The following ERMP1 variants were observed in gnomAD, a reference collection of about 807,000 sequenced individuals.
ERMP1 encodes the protein Felix-ina.
Under a neutral mutation model 92.0 loss-of-function variants are expected in ERMP1, and 86 were observed. The ratio of observed to expected loss-of-function variants is 0.93; its 90% CI spans 0.79 to 1.12. ERMP1 has a LOEUF of 1.12. Among genes scored for constraint, ERMP1 ranks in the 50% most tolerant of loss-of-function variants. The pLI, the probability that ERMP1 is intolerant of heterozygous loss-of-function variation, is 0.00. For missense variants in ERMP1, 1,342 were observed against 1,116.3 expected, an observed-to-expected ratio of 1.20 and a Z score of -2.88; for synonymous variants, 530 against 412.8, an observed-to-expected ratio of 1.28 and a Z score of -3.44.
chr9:5,843,677 G>T (rs1054279190), intron 6 of ERMP1, among the ~76,000 whole-genome samples: 7 of 152,330 alleles, frequency 4.6e-5, no homozygotes, highest in Non-Finnish European at 1.0e-4. Context: ...TATTTTGCAG[G>T]AACAGTGAAT....
intron 12 of ERMP1, among the ~76,000 whole-genome samples, chr9:5,798,249 T>C (rs1369663627): frequency 6.6e-6 from 1 of 151,974 alleles, no homozygotes; most frequent in Non-Finnish European, 1.5e-5. Context: ...AGAGTTTTGC[T>C]GTTGTTGCCC....
intron 7 of ERMP1, among the ~76,000 whole-genome samples, chr9:5,810,543 T>C (rs1049653085): frequency 7.2e-5 from 11 of 152,228 alleles, no homozygotes; most frequent in African/African-American, 9.6e-5. Context: ...TTTGGTATGC[T>C]TTGTGTATCA....
upstream of ERMP1, among the ~76,000 whole-genome samples, chr9:5,833,500 C>T (rs556322067): frequency 7.9e-5 from 12 of 152,256 alleles, no homozygotes; most frequent in South Asian, 1.5e-3. Context: ...AGAGGAGGCC[C>T]GGCCTATTGC....
At chr9:5,853,520 T>C (rs1395197804) in intron 6 of ERMP1, among the ~76,000 whole-genome samples, 3 of 151,980 alleles carry the variant, frequency 2.0e-5, no homozygotes, top group Non-Finnish European at 2.9e-5. Context: ...GCCACCTAGA[T>C]AAAGTTCAAA....
chr9:5,850,469 T>C (rs1830296265), intron 6 of ERMP1, among the ~76,000 whole-genome samples: 1 of 148,020 alleles, frequency 6.8e-6, no homozygotes, highest in Non-Finnish European at 1.5e-5. Context: ...TCCCTGGCCT[T>C]CTGGGGTGGT....
intron 5 of ERMP1, among the ~76,000 whole-genome samples, chr9:5,865,758 A>C (rs1347078441): frequency 4.7e-5 from 7 of 149,578 alleles, no homozygotes; most frequent in African/African-American, 1.2e-4. Flanking sequence ...GAATCGCTGG[A>C]AACTGGGAGG....
rs1161188137 is a variant in ERMP1 at position 5,785,830 on chromosome 9, A to G, written c.*1314T>C. 6.6e-6 allele frequency: 1 copy of G among 152,166 alleles called. No individual in the cohort carries two copies. The highest frequency in any genetic ancestry group is 1.5e-5 in the Non-Finnish European group (1 of 68,038). The allele number at this position is 152,166 out of a possible 1,614,324, so 9.4% of individuals were successfully genotyped here. On this transcript the variant is annotated 3_prime_UTR_variant, in exon 15 of 15. Coordinates refer to ENST00000339450, the MANE Select transcript of ERMP1 (RefSeq NM_024896.3). ...AACTTTTTGTCCTTGTTAAAACTCA[A>G]AATTTGTCCAACGTTTCACATTTCC...
At chr9:5,803,712 A>C (rs753352993) in intron 10 of ERMP1, among the ~76,000 whole-genome samples, 1 of 152,186 alleles carries the variant, frequency 6.6e-6, no homozygotes, top group Admixed American at 6.5e-5. Context: ...TCAAAAATAC[A>C]GATGATATAA....
At chr9:5,865,057 C>G (rs7044790) in intron 5 of ERMP1, among the ~76,000 whole-genome samples, 4 of 151,872 alleles carry the variant, frequency 2.6e-5, no homozygotes, top group African/African-American at 7.3e-5. Context: ...TTTAGAAATG[C>G]GGTAGTAAAT....
intron 12 of ERMP1, among the ~76,000 whole-genome samples, chr9:5,798,446 C>T (rs1187414943): frequency 6.6e-6 from 1 of 151,974 alleles, no homozygotes; most frequent in Admixed American, 6.6e-5. Context: ...GAACTCCCGA[C>T]CTCAGGTGAT....
intron 11 of ERMP1, 137 bp downstream of exon 11, chr9:5,801,039 C>T: frequency 1.3e-6 from 1 of 762,344 alleles, no homozygotes; most frequent in Non-Finnish European, 2.1e-6. Flanking sequence ...TCCTCACTGC[C>T]TTACACACAA....
At chr9:5,854,914 A>G (rs1830354960) in intron 6 of ERMP1, among the ~76,000 whole-genome samples, 1 of 152,176 alleles carries the variant, frequency 6.6e-6, no homozygotes, top group African/African-American at 2.4e-5. Context: ...TTCCCAAAAG[A>G]CTTTGGGGGT....
intron 6 of ERMP1, among the ~76,000 whole-genome samples, chr9:5,849,105 C>T (rs1404291051): frequency 6.6e-6 from 1 of 152,230 alleles, no homozygotes; most frequent in Non-Finnish European, 1.5e-5. Flanking sequence ...TCACTGCAAC[C>T]TCTGCCTCCT....
chr9:5,847,565 A>G (rs1386632435), intron 6 of ERMP1, among the ~76,000 whole-genome samples: 1 of 151,332 alleles, frequency 6.6e-6, no homozygotes, highest in Non-Finnish European at 1.5e-5. Flanking sequence ...CTAAAACCCC[A>G]ATTTTGTTCC....
intron 4 of ERMP1, 81 bp downstream of exon 4, chr9:5,823,815 G>A: frequency 1.1e-6 from 1 of 906,112 alleles, no homozygotes; most frequent in Non-Finnish European, 1.8e-6. Flanking sequence ...GTTTATTGAA[G>A]ATATTATTTA....
chr9:5,804,798 A>G (rs1828807586), intron 10 of ERMP1, among the ~76,000 whole-genome samples: 1 of 152,008 alleles, frequency 6.6e-6, no homozygotes, highest in Non-Finnish European at 1.5e-5. Flanking sequence ...TAAATCAGAG[A>G]ATTTGGAAGG....
At chr9:5,798,395 T>C (rs1242383340) in intron 12 of ERMP1, among the ~76,000 whole-genome samples, 1 of 152,212 alleles carries the variant, frequency 6.6e-6, no homozygotes, top group Non-Finnish European at 1.5e-5. Flanking sequence ...TTTATATTTT[T>C]AGTAGAGACA....
rs1830007341 is a variant in ERMP1, at chr9:5,832,756, G to C, written c.272C>G (p.Ser91Trp). The change falls in exon 1 of 15, where the codon TCG becomes TGG. Residue 91 changes from serine (S) to tryptophan (W), a missense_variant. By Grantham distance (177) the Ser-to-Trp change is radical. Transcript: ENST00000339450. ...CCCGCGTAGCACGAGCTGCTGCAGC[G>C]AGAGCTGCACCAGCGTCCGCAGCGC... Reference protein sequence around the residue: ...LIALRTLVQLSLQQLVLRGAA... With the variant: ...LIALRTLVQLWLQQLVLRGAA... 2.0e-6 allele frequency: 3 copies of C among 1,498,934 alleles called. No individual in the cohort carries two copies. Among genetic ancestry groups the C allele is most frequent in the African/African-American group, 1.4e-5 (1 of 69,000 alleles). 92.9% of individuals were successfully genotyped at this position (1,498,934 alleles called of 1,614,324 possible). A position where few individuals can be genotyped will look rare whatever the true frequency, so the allele number is the denominator to read the frequency against.
At chr9:5,823,822 T>C in intron 4 of ERMP1, 74 bp downstream of exon 4, 1 of 981,462 alleles carries the variant, frequency 1.0e-6, no homozygotes, top group South Asian at 1.4e-5. Flanking sequence ...GAAGATATTA[T>C]TTATAATCAA....
Sources: gnomAD v4.1 joint callset for allele counts (sites outside exome capture counted in the v4.1 genomes callset) on GRCh38, gnomAD v4.1.1 for gene constraint, MANE v1.5 for transcripts, NCBI Gene and HGNC (gene_info 2026-07-23, HGNC 2026-07-21) for gene names.